The following SORCS1 variants were observed in gnomAD, a reference collection of about 807,000 sequenced individuals.
SORCS1 encodes the protein VPS10 domain-containing receptor SorCS1.
Under a neutral mutation model 146.1 loss-of-function variants are expected in SORCS1, and 60 were observed. The ratio of observed to expected loss-of-function variants is 0.41; its 90% CI spans 0.33 to 0.51. The LOEUF is 0.51. SORCS1 is among the 20% of genes least tolerant of loss of function. The probability of loss-of-function intolerance (pLI) is 0.21; values close to 1 mark genes in which losing one functional copy is unlikely to be tolerated. For missense variants in SORCS1, 1,352 were observed against 1,487.6 expected, an observed-to-expected ratio of 0.91 and a Z score of 1.50; for synonymous variants, 637 against 584.0, an observed-to-expected ratio of 1.09 and a Z score of -1.31.
At position 107,047,349 on chromosome 10, in the gene SORCS1, A is replaced by C. The variant is rs533668395; in HGVS notation, c.559-90769T>G. 3.9e-4 allele frequency among the ~76,000 whole-genome samples: 59 copies of C among 152,248 alleles called. 1 individual carries two copies. The highest frequency in any genetic ancestry group is 1.4e-3 in the African/African-American group (58 of 41,560). Reference sequence around the variant, plus strand: ...CAGTAGAACAAGTCATTAAAAACAAAACTACCATAGTGGATGTCGATAAGC... The same window carrying C: ...CAGTAGAACAAGTCATTAAAAACAACACTACCATAGTGGATGTCGATAAGC... On this transcript the variant is annotated intron_variant, in intron 1 of 25. Coordinates refer to ENST00000263054, the MANE Select transcript of SORCS1 (RefSeq NM_052918.5).
At chr10:106,670,404 T>C (rs1393172634) in intron 16 of SORCS1, among the ~76,000 whole-genome samples, 2 of 152,166 alleles carry the variant, frequency 1.3e-5, no homozygotes, top group Non-Finnish European at 2.9e-5. Flanking sequence ...AAGCAAAAAG[T>C]CTCCTTTATC....
chr10:106,710,292 C>T (rs975493845), intron 6 of SORCS1, among the ~76,000 whole-genome samples: 73 of 152,008 alleles, frequency 4.8e-4, no homozygotes, highest in African/African-American at 1.7e-3. Flanking sequence ...ACTAAAAATA[C>T]AAAAATGAGC....
chr10:106,933,475 A>T (rs1465776475), intron 2 of SORCS1, among the ~76,000 whole-genome samples: 1 of 152,242 alleles, frequency 6.6e-6, no homozygotes, highest in Admixed American at 6.5e-5. Context: ...AAATATAATC[A>T]ATGATTTATT....
chr10:106,891,725 A>T (rs562639790), intron 2 of SORCS1, among the ~76,000 whole-genome samples: 43 of 152,228 alleles, frequency 2.8e-4, no homozygotes, highest in African/African-American at 9.9e-4. Flanking sequence ...AATAAAGATT[A>T]AAAAAGACCA....
chr10:107,001,489 T>C (rs557179652), intron 1 of SORCS1, among the ~76,000 whole-genome samples: 11 of 151,816 alleles, frequency 7.2e-5, no homozygotes, highest in Admixed American at 3.9e-4. Flanking sequence ...GGGATAGGAG[T>C]AATAGGAAGG....
intron 18 of SORCS1, among the ~76,000 whole-genome samples, chr10:106,647,785 A>G (rs1440852177): frequency 6.6e-6 from 1 of 152,246 alleles, no homozygotes; most frequent in African/African-American, 2.4e-5. Context: ...CTTAAGCCTG[A>G]CAAAAAGCAC....
chr10:106,667,682 C>A lies in SORCS1; in HGVS notation c.2303+7G>T. 2 of 1,609,832 alleles carry A rather than the reference C, an allele frequency of 1.2e-6. No homozygotes were observed. The highest frequency in any genetic ancestry group is 1.7e-6 in the Non-Finnish European group (2 of 1,176,610). On this transcript the variant is annotated splice_region_variant and intron_variant, in intron 17 of 25. Transcript: ENST00000263054. Reference sequence around the variant, plus strand: ...GGCCTCTCAAGGTCACTACTCCAGACACTTACCCAGTACTATTGAGGTAAC... The same window carrying A: ...GGCCTCTCAAGGTCACTACTCCAGAAACTTACCCAGTACTATTGAGGTAAC...
In SORCS1 at chr10:106,850,171, G is replaced by A. The variant is rs1419709186; in HGVS notation, c.627-20498C>T. 4.0e-5 allele frequency among the ~76,000 whole-genome samples: 6 copies of A among 151,776 alleles called. No homozygotes were observed. The East Asian group carries it at 5.9e-4, about 15-fold the overall frequency. On this transcript the variant is annotated intron_variant, in intron 2 of 25. Coordinates refer to ENST00000263054, the MANE Select transcript of SORCS1 (RefSeq NM_052918.5). Reference sequence around the variant, plus strand: ...TAAGCAAGCCTGGGCAATGGCGGGCGCCCCTCCCCCAGCCTCGCTGCCGCC... The same window carrying A: ...TAAGCAAGCCTGGGCAATGGCGGGCACCCCTCCCCCAGCCTCGCTGCCGCC...
intron 16 of SORCS1, among the ~76,000 whole-genome samples, chr10:106,668,106 G>C (rs1851310601): frequency 6.6e-6 from 1 of 152,170 alleles, no homozygotes; most frequent in South Asian, 2.1e-4. Flanking sequence ...AATACAGGTG[G>C]CTGGGCCCAG....
intron 2 of SORCS1, among the ~76,000 whole-genome samples, chr10:106,878,409 T>TG (rs1589613538): frequency 6.6e-6 from 1 of 151,446 alleles, no homozygotes; most frequent in East Asian, 1.9e-4. Flanking sequence ...CTGGAGACCT[T>TG]GGGGCGGTGA....
chr10:106,678,154 C>T (rs1421675883), intron 12 of SORCS1, among the ~76,000 whole-genome samples: 3 of 152,162 alleles, frequency 2.0e-5, no homozygotes, highest in African/African-American at 7.2e-5. Context: ...ACATTACAGA[C>T]AATCTTCTTC....
chr10:107,069,395 G>C (rs1310877812), intron 1 of SORCS1, among the ~76,000 whole-genome samples: 4 of 149,652 alleles, frequency 2.7e-5, no homozygotes, highest in African/African-American at 9.9e-5. Flanking sequence ...CTTTTTTTTA[G>C]ACGGAGTTTC....
At chr10:106,652,952 C>G (rs529824590) in intron 17 of SORCS1, among the ~76,000 whole-genome samples, 1 of 152,076 alleles carries the variant, frequency 6.6e-6, no homozygotes, top group Admixed American at 6.6e-5. Context: ...ATAAATATCG[C>G]AAAGGAATTT....
intron 1 of SORCS1, among the ~76,000 whole-genome samples, chr10:107,033,236 C>A (rs1393602263): frequency 1.3e-5 from 2 of 152,182 alleles, no homozygotes; most frequent in Non-Finnish European, 2.9e-5. Context: ...CGTGAGAACT[C>A]ACTCACCATC....
At chr10:107,115,598 C>T (rs1965983668) in intron 1 of SORCS1, among the ~76,000 whole-genome samples, 1 of 152,052 alleles carries the variant, frequency 6.6e-6, no homozygotes, top group East Asian at 1.9e-4. Flanking sequence ...AAAATTAACT[C>T]AAAATGGATT....
chr10:107,032,962 C>T (rs2133941594), intron 1 of SORCS1, among the ~76,000 whole-genome samples: 1 of 152,268 alleles, frequency 6.6e-6, no homozygotes, highest in African/African-American at 2.4e-5. Flanking sequence ...AGCTCACCAT[C>T]TTCTTTTTTA....
chr10:106,696,315 C>T (rs1345015177), intron 9 of SORCS1, among the ~76,000 whole-genome samples: 3 of 152,196 alleles, frequency 2.0e-5, no homozygotes, highest in African/African-American at 4.8e-5. Context: ...TCATTCATTG[C>T]AATTCTACTG....
Position 106,842,671 on chromosome 10 carries a change from C to T in SORCS1, c.627-12998G>A, listed in dbSNP as rs1235600553. The stretch of plus-strand genomic sequence containing the variant: ...CGCTGTTGTTTCCCAGGCTGGAGTG[C>T]AATGGCGTGATCTCAGCTCACTACA... On this transcript the variant is annotated intron_variant, in intron 2 of 25. Transcript: ENST00000263054. Among the ~76,000 whole-genome samples the T allele has an allele frequency of 5.3e-5, 8 of 152,276 alleles. No homozygotes were observed. In the East Asian group the frequency reaches 1.2e-3, roughly 22 times the overall value.
intron 2 of SORCS1, among the ~76,000 whole-genome samples, chr10:106,898,296 T>C (rs1951564847): frequency 6.6e-6 from 1 of 152,326 alleles, no homozygotes; most frequent in South Asian, 2.1e-4. Flanking sequence ...AAAACATCTA[T>C]TAAAATAAAC....
Sources: allele counts gnomAD v4.1 joint callset (sites outside exome capture counted in the v4.1 genomes callset), GRCh38; gene constraint gnomAD v4.1.1; transcripts MANE v1.5; gene names NCBI Gene and HGNC (gene_info 2026-07-23, HGNC 2026-07-21).